Variants in ACTR3 observed in about 807,000 individuals in gnomAD.
ACTR3 encodes the protein actin related protein 3.
Under a neutral mutation model 56.8 loss-of-function variants are expected in ACTR3, and 12 were observed. The ratio of observed to expected loss-of-function variants is 0.21; its 90% CI spans 0.14 to 0.34. The LOEUF (loss-of-function observed/expected upper bound fraction) is 0.34. Ranked by LOEUF, ACTR3 falls within the 10% of genes least tolerant of loss-of-function variation. ACTR3 has a pLI of 1.00. For synonymous variants in ACTR3, 162 were observed against 167.4 expected, an observed-to-expected ratio of 0.97 and a Z score of 0.25; for missense variants, 282 against 512.5, an observed-to-expected ratio of 0.55 and a Z score of 4.34.
At position 113,942,235 on chromosome 2, in the gene ACTR3, A is replaced by G; in HGVS notation, c.734A>G (p.Tyr245Cys). The change falls in exon 8 of 12, where the codon TAT becomes TGT. Residue 245 changes from tyrosine to cysteine, a missense_variant. Physicochemically the swap from Tyr to Cys is radical, Grantham distance 194. Transcript: ENST00000263238. Reference sequence around the variant, plus strand: ...GATTTAGTAAAAGAATTTAACAAGTATGATACAGATGGGTCAAAATGGATT... The same window carrying G: ...GATTTAGTAAAAGAATTTAACAAGTGTGATACAGATGGGTCAAAATGGATT... ...CPDLVKEFNK[Y>C]DTDGSKWIKQ... 1 of 1,598,300 alleles carries G rather than the reference A, an allele frequency of 6.3e-7. No homozygotes were observed. Among genetic ancestry groups the G allele is most frequent in the Non-Finnish European group, 8.5e-7 (1 of 1,174,964 alleles).
chr2:113,901,344 G>A (rs923723485), intron 1 of ACTR3, among the ~76,000 whole-genome samples: 2 of 152,212 alleles, frequency 1.3e-5, no homozygotes, highest in African/African-American at 4.8e-5. Context: ...GGCAATAAGA[G>A]CGAAACTCTG....
intron 1 of ACTR3, among the ~76,000 whole-genome samples, chr2:113,891,169 C>T (rs1678887136): frequency 6.6e-6 from 1 of 152,086 alleles, no homozygotes; most frequent in Admixed American, 6.6e-5. Flanking sequence ...ATTACCGGTG[C>T]TTGGTGTCCA....
chr2:113,909,036 C>T lies in ACTR3; in HGVS notation c.45-4136C>T, dbSNP rs1442024845. 5.3e-5 allele frequency among the ~76,000 whole-genome samples: 8 copies of T among 152,010 alleles called. No individual in the cohort carries two copies. The East Asian group carries it at 1.5e-3, about 29-fold the overall frequency. ...TCAAATGCTGTAATTTAGCAGTCTG[C>T]CTAACTAATGTAGACAGACTTTACA... On this transcript the variant is annotated intron_variant, in intron 1 of 11. Transcript: ENST00000263238.
intron 3 of ACTR3, among the ~76,000 whole-genome samples, chr2:113,918,873 A>G (rs999085962): frequency 1.3e-5 from 2 of 152,222 alleles, no homozygotes; most frequent in South Asian, 2.1e-4. Flanking sequence ...ATAATTGACT[A>G]TTGCTATAGT....
intron 5 of ACTR3, among the ~76,000 whole-genome samples, chr2:113,933,490 A>G (rs1204735365): frequency 6.6e-6 from 1 of 151,764 alleles, no homozygotes; most frequent in Non-Finnish European, 1.5e-5. Context: ...CCTGGGTGAC[A>G]GAAAGAAACT....
intron 11 of ACTR3, among the ~76,000 whole-genome samples, chr2:113,956,196 A>G (rs1294749243): frequency 6.6e-6 from 1 of 151,884 alleles, no homozygotes; most frequent in African/African-American, 2.4e-5. Flanking sequence ...GCCTGGCTGA[A>G]GCTTATGTTT....
Position 113,958,652 on chromosome 2 carries a change from T to A in ACTR3, c.*1197T>A, listed in dbSNP as rs1680267302. On this transcript the variant is annotated 3_prime_UTR_variant, in exon 12 of 12. Transcript: ENST00000263238. ...CTATTTTGTTTTTATGTATGTGATA[T>A]CTGTTTCTGTTGAGATTTGGGAGTT... is the stretch of plus-strand genomic sequence containing the variant. 6.6e-6 allele frequency: 1 copy of A among 152,144 alleles called. No homozygotes were observed. The highest frequency in any genetic ancestry group is 2.1e-4 in the South Asian group (1 of 4,822). 9.4% of individuals were successfully genotyped at this position (152,144 alleles called of 1,614,324 possible).
intron 3 of ACTR3, among the ~76,000 whole-genome samples, chr2:113,926,035 G>A (rs1358683064): frequency 4.6e-5 from 7 of 152,176 alleles, no homozygotes; most frequent in East Asian, 3.9e-4. Flanking sequence ...CAACTTAGTA[G>A]CCACTTGAAA....
At chr2:113,906,572 T>C (rs1198784743) in intron 1 of ACTR3, among the ~76,000 whole-genome samples, 1 of 152,184 alleles carries the variant, frequency 6.6e-6, no homozygotes, top group Non-Finnish European at 1.5e-5. Context: ...CACCTTATGT[T>C]TTTTTTCTAA....
At chr2:113,892,012 C>A (rs1169984389) in intron 1 of ACTR3, among the ~76,000 whole-genome samples, 1 of 151,982 alleles carries the variant, frequency 6.6e-6, no homozygotes, top group Non-Finnish European at 1.5e-5. Context: ...GTTAAAGTGA[C>A]GAATATTGCT....
chr2:113,945,958 T>A (rs1355726231), intron 8 of ACTR3, among the ~76,000 whole-genome samples: 1 of 152,258 alleles, frequency 6.6e-6, no homozygotes, highest in Non-Finnish European at 1.5e-5. Flanking sequence ...TGCATGTTCC[T>A]GCAAAGAACA....
chr2:113,942,095 T>TC (rs1679933922), intron 7 of ACTR3, 91 bp from the exon 8 acceptor site: 2 of 1,004,736 alleles, frequency 2.0e-6, no homozygotes, highest in South Asian at 4.3e-5. Flanking sequence ...TTTTTTTTTT[T>TC]ATTGGATTAT....
chr2:113,937,295 G>A (rs151150624), intron 6 of ACTR3, among the ~76,000 whole-genome samples: 6 of 152,138 alleles, frequency 3.9e-5, no homozygotes, highest in East Asian at 1.9e-4. Flanking sequence ...TAGTAGAGAC[G>A]GGGTTTCACC....
chr2:113,923,476 C>T lies in ACTR3; in HGVS notation c.226-3869C>T, dbSNP rs190919380. On this transcript the variant is annotated intron_variant, in intron 3 of 11. Coordinates refer to ENST00000263238, the MANE Select transcript of ACTR3 (RefSeq NM_005721.5). ...TCAGCCTCCCAAGTAGTTGGGACTA[C>T]AGGCGCCCACCACCGTGCCCGGCTA... Among the ~76,000 whole-genome samples, 30 of 152,092 alleles carry T rather than the reference C, an allele frequency of 2.0e-4. No individual in the cohort carries two copies. In the East Asian group the frequency reaches 3.5e-3, roughly 18 times the overall value.
At chr2:113,955,188 A>G (rs1305271222) in intron 10 of ACTR3, 1 of 152,694 alleles carries the variant, frequency 6.5e-6, no homozygotes. Context: ...GGCTTATAAG[A>G]TTCAAAATAC....
At chr2:113,942,141 C>T in intron 7 of ACTR3, 45 bp from the exon 8 acceptor site, 2 of 1,459,912 alleles carry the variant, frequency 1.4e-6, no homozygotes, top group South Asian at 1.4e-5. Flanking sequence ...CTTTACTGTT[C>T]CTATAATAAG....
chr2:113,949,860 G>A lies in ACTR3; in HGVS notation c.859-1619G>A, dbSNP rs558051103. Among the ~76,000 whole-genome samples the A allele has an allele frequency of 2.0e-5, 3 of 152,292 alleles. No individual in the cohort carries two copies. The South Asian group carries it at 6.2e-4, about 32-fold the overall frequency. On this transcript the variant is annotated intron_variant, in intron 8 of 11. Transcript: ENST00000263238. ...TTATAGGTGTGAGTCACCATGCCCA[G>A]CTTCAAGTTGTTTTTTGTTTTTGTT... is the stretch of plus-strand genomic sequence containing the variant.
rs1386169725 is a variant in ACTR3 at position 113,960,068 on chromosome 2, C to T, written c.*2613C>T. On this transcript the variant is annotated 3_prime_UTR_variant, in exon 12 of 12. Transcript: ENST00000263238. ...TTAGCAGTGTAGTAGATTCTGACTG[C>T]AAAACCTAGCCTTTTCTATTGATTC... 6.6e-6 allele frequency: 1 copy of T among 151,950 alleles called. No homozygotes were observed. Among genetic ancestry groups the T allele is most frequent in the African/African-American group, 2.4e-5 (1 of 41,422 alleles). The allele number at this position is 151,950 out of a possible 1,614,324, so 9.4% of individuals were successfully genotyped here.
intron 11 of ACTR3, among the ~76,000 whole-genome samples, chr2:113,956,889 GGAACAGTCTA>G (rs1680225387): frequency 2.0e-5 from 3 of 152,170 alleles, no homozygotes; most frequent in Non-Finnish European, 4.4e-5. Flanking sequence ...AACACAGCAT[GGAACAGTCTA>G]TCTTTTCCAG....
Sources: allele counts gnomAD v4.1 joint callset (sites outside exome capture counted in the v4.1 genomes callset), GRCh38; gene constraint gnomAD v4.1.1; transcripts MANE v1.5; gene names NCBI Gene and HGNC (gene_info 2026-07-23, HGNC 2026-07-21).